WDR70: variants seen among roughly 807,000 people sequenced by gnomAD.
WDR70 encodes WD repeat domain 70.
In WDR70, 53 loss-of-function variants were observed where a neutral mutation model predicts 88.6. The ratio of observed to expected loss-of-function variants is 0.60; its 90% CI spans 0.48 to 0.75. The LOEUF (loss-of-function observed/expected upper bound fraction) is 0.75. WDR70 is among the 30% of genes least tolerant of loss of function. The pLI is 0.00. For missense variants in WDR70, 610 were observed against 823.2 expected, an observed-to-expected ratio of 0.74 and a Z score of 3.17; for synonymous variants, 280 against 270.0, an observed-to-expected ratio of 1.04 and a Z score of -0.36.
chr5:37,580,898 G>T lies in WDR70; in HGVS notation c.918-24166G>T, dbSNP rs1028321179. Among the ~76,000 whole-genome samples the T allele has an allele frequency of 3.3e-5, 5 of 152,152 alleles. 1 individual carries two copies. The East Asian group carries it at 9.6e-4, about 29-fold the overall frequency. On this transcript the variant is annotated intron_variant, in intron 9 of 17. Transcript: ENST00000265107. ...ATTCCAAAAATGATTTTGAAGAAAT[G>T]TAAAACAATAAATGTAATACAACAT...
chr5:37,420,773 G>A (rs1394460814), intron 5 of WDR70, among the ~76,000 whole-genome samples: 1 of 152,088 alleles, frequency 6.6e-6, no homozygotes, highest in African/African-American at 2.4e-5. Flanking sequence ...AATAAGCCGA[G>A]TGTGCTGGTA....
At chr5:37,535,109 T>G (rs1488326666) in intron 9 of WDR70, among the ~76,000 whole-genome samples, 1 of 152,052 alleles carries the variant, frequency 6.6e-6, no homozygotes, top group African/African-American at 2.4e-5. Context: ...AATAAATAAA[T>G]AAAATAGTTT....
At chr5:37,537,435 C>G (rs941818979) in intron 9 of WDR70, among the ~76,000 whole-genome samples, 1 of 151,938 alleles carries the variant, frequency 6.6e-6, no homozygotes, top group Non-Finnish European at 1.5e-5. Flanking sequence ...TTTCTCAGTC[C>G]AAGAGAGAAT....
rs149709522 is a variant in WDR70 at position 37,725,695 on chromosome 5, G to A, written c.1714+645G>A. 4.7e-4 allele frequency among the ~76,000 whole-genome samples: 71 copies of A among 151,826 alleles called. No homozygotes were observed. In the East Asian group the frequency reaches 0.012, roughly 25 times the overall value. On this transcript the variant is annotated intron_variant, in intron 16 of 17. Transcript: ENST00000265107. The stretch of plus-strand genomic sequence containing the variant: ...ATTTTTTTCATTTTTTTCTAACACC[G>A]TCCTAACTAAAGTTTCCAAAAAAGA...
intron 7 of WDR70, among the ~76,000 whole-genome samples, chr5:37,456,077 AT>A (rs1239822852): frequency 1.2e-4 from 18 of 152,164 alleles, no homozygotes; most frequent in African/African-American, 4.3e-4. Context: ...TGTAGAGGTC[AT>A]TTTTATAGAC....
intron 5 of WDR70, among the ~76,000 whole-genome samples, chr5:37,411,739 C>A (rs1296108952): frequency 6.6e-6 from 1 of 151,994 alleles, no homozygotes; most frequent in African/African-American, 2.4e-5. Flanking sequence ...TTGAAAAAAA[C>A]AATTTGATAG....
chr5:37,604,495 T>C (rs932246134), intron 9 of WDR70, among the ~76,000 whole-genome samples: 28 of 152,340 alleles, frequency 1.8e-4, no homozygotes, highest in African/African-American at 6.7e-4. Context: ...ACAAGGGTGT[T>C]ACACCTCTGC....
At chr5:37,735,169 C>T (rs1748265077) in intron 17 of WDR70, among the ~76,000 whole-genome samples, 1 of 152,064 alleles carries the variant, frequency 6.6e-6, no homozygotes, top group Non-Finnish European at 1.5e-5. Flanking sequence ...TCTGAGGCTG[C>T]TTGGTAATTA....
At chr5:37,619,300 A>G (rs1744438074) in intron 10 of WDR70, among the ~76,000 whole-genome samples, 1 of 152,018 alleles carries the variant, frequency 6.6e-6, no homozygotes, top group African/African-American at 2.4e-5. Context: ...AACTTTTGAC[A>G]TATTACAAAG....
At chr5:37,422,941 T>C (rs1749990890) in intron 5 of WDR70, among the ~76,000 whole-genome samples, 2 of 152,170 alleles carry the variant, frequency 1.3e-5, no homozygotes, top group African/African-American at 4.8e-5. Flanking sequence ...TGTGAAAACT[T>C]TCTTAAACAA....
chr5:37,612,558 T>C (rs1386958813), intron 10 of WDR70, among the ~76,000 whole-genome samples: 1 of 152,162 alleles, frequency 6.6e-6, no homozygotes, highest in Non-Finnish European at 1.5e-5. Flanking sequence ...TAACTGCTGG[T>C]CTTCGTCTTT....
chr5:37,422,294 C>CTT (rs1554138505), intron 5 of WDR70, among the ~76,000 whole-genome samples: 12 of 145,818 alleles, frequency 8.2e-5, no homozygotes, highest in African/African-American at 3.1e-4. Flanking sequence ...TTCCTTTTTT[C>CTT]TTTTTTTTTT....
Position 37,443,362 on chromosome 5 carries a change from C to G in WDR70, c.676C>G (p.Pro226Ala), listed in dbSNP as rs1421661428. The change falls in exon 7 of 18, where the codon CCC becomes GCC. Residue 226 changes from proline (P) to alanine (A), a missense_variant. By Grantham distance (27) the Pro-to-Ala change is conservative. Around this residue, in one of 4 missense-constraint regions of WDR70, gnomAD observed 83 missense variants for 155.3 expected, o/e 0.53. Coordinates refer to ENST00000265107, the MANE Select transcript of WDR70 (RefSeq NM_018034.4). ...TTTTAAGGCATTTCGATCCCTTCAGCCCTGTGAGTGGTATGTATTCACTTA... is the reference window on the plus strand; with the variant it reads ...TTTTAAGGCATTTCGATCCCTTCAGGCCTGTGAGTGGTATGTATTCACTTA... ...ASFKAFRSLQ[P>A]CECHQIKSLQ... 3.7e-6 allele frequency: 6 copies of G among 1,613,752 alleles called. No homozygotes were observed. Among genetic ancestry groups the G allele is most frequent in the Non-Finnish European group, 5.1e-6 (6 of 1,179,848 alleles).
At chr5:37,422,148 G>A (rs1449775031) in intron 5 of WDR70, among the ~76,000 whole-genome samples, 1 of 152,020 alleles carries the variant, frequency 6.6e-6, no homozygotes, top group Non-Finnish European at 1.5e-5. Flanking sequence ...AAATACCACT[G>A]CAAATGATAG....
intron 10 of WDR70, among the ~76,000 whole-genome samples, chr5:37,608,020 C>T (rs940358418): frequency 1.6e-4 from 24 of 150,580 alleles, no homozygotes; most frequent in Admixed American, 2.7e-4. Flanking sequence ...CATGTTGAGC[C>T]TGACAGTCTG....
At chr5:37,394,032 G>T (rs1748929654) in intron 4 of WDR70, among the ~76,000 whole-genome samples, 1 of 152,048 alleles carries the variant, frequency 6.6e-6, no homozygotes, top group South Asian at 2.1e-4. Context: ...GAGGGCTGCG[G>T]GAGGTGGCTC....
At chr5:37,710,967 A>T (rs72743176) in intron 13 of WDR70, among the ~76,000 whole-genome samples, 4,783 of 152,032 alleles carry the variant, frequency 0.031, 98 homozygotes, top group Middle Eastern at 0.11. Context: ...TAGGTCTCTG[A>T]AAAACCCTAT....
intron 7 of WDR70, among the ~76,000 whole-genome samples, chr5:37,471,437 T>C (rs1739321397): frequency 6.6e-6 from 1 of 151,910 alleles, no homozygotes; most frequent in Non-Finnish European, 1.5e-5. Context: ...TTAAATCTTT[T>C]GGCCATTTTT....
chr5:37,741,161 C>T (rs1350288398), intron 17 of WDR70, among the ~76,000 whole-genome samples: 1 of 151,732 alleles, frequency 6.6e-6, no homozygotes, highest in Non-Finnish European at 1.5e-5. Flanking sequence ...AGGCTAAGGC[C>T]CTCTCCAAGG....
Sources: allele counts gnomAD v4.1 joint callset (sites outside exome capture counted in the v4.1 genomes callset), GRCh38; gene constraint gnomAD v4.1.1; regional missense constraint gnomAD v4.1.1; transcripts MANE v1.5; gene names NCBI Gene and HGNC (gene_info 2026-07-23, HGNC 2026-07-21).